The following ZMYND11 variants were observed in gnomAD, a reference collection of about 807,000 sequenced individuals.
ZMYND11 encodes zinc finger MYND domain-containing protein 11.
A neutral mutation model predicts 84.9 loss-of-function variants in ZMYND11; 9 were observed. The ratio of observed to expected loss-of-function variants is 0.11; its 90% CI spans 0.06 to 0.18. The LOEUF (loss-of-function observed/expected upper bound fraction) is 0.18. Among genes scored for constraint, ZMYND11 ranks in the 10% least tolerant of loss-of-function variants. The pLI, the probability that ZMYND11 is intolerant of heterozygous loss-of-function variation, is 1.00. For synonymous variants in ZMYND11, 250 were observed against 244.1 expected (o/e 1.02, Z -0.23); for missense variants, 409 against 761.0 (o/e 0.54, Z 5.44).
At chr10:208,361 C>T (rs2035679360) in intron 2 of ZMYND11, among the ~76,000 whole-genome samples, 1 of 152,228 alleles carries the variant, frequency 6.6e-6, no homozygotes, top group South Asian at 2.1e-4. Context: ...AGGCAACCTA[C>T]AAAATGGGAG....
intron 1 of ZMYND11, among the ~76,000 whole-genome samples, chr10:156,639 A>G (rs2131403406): frequency 6.6e-6 from 1 of 152,354 alleles, no homozygotes; most frequent in South Asian, 2.1e-4. Flanking sequence ...AGTAAAAACA[A>G]AACAAAATAA....
At chr10:144,640 CTTTTTTTTTTTT>C (rs11348115) in intron 1 of ZMYND11, among the ~76,000 whole-genome samples, 2 of 110,036 alleles carry the variant, frequency 1.8e-5, no homozygotes, top group African/African-American at 6.8e-5. Flanking sequence ...GTCTGAATTC[CTTTTTTTTTTTT>C]TTTTTTTTTT....
At chr10:157,190 G>A (rs149893779) in intron 1 of ZMYND11, among the ~76,000 whole-genome samples, 3 of 152,162 alleles carry the variant, frequency 2.0e-5, no homozygotes, top group African/African-American at 7.2e-5. Context: ...GAAAATTTCC[G>A]TAATAGCTTT....
At position 246,061 on chromosome 10, in the gene ZMYND11, C is replaced by T. The variant is rs922746780; in HGVS notation, c.951-705C>T. ...ATTTGGGATGGATACAAATTTAAGC[C>T]GAGAAAGAGACCAATGCCCAGGAAA... is the stretch of plus-strand genomic sequence containing the variant. On this transcript the variant is annotated intron_variant, in intron 10 of 14. Coordinates refer to ENST00000381604, the MANE Select transcript of ZMYND11 (RefSeq NM_001370100.5). Among the ~76,000 whole-genome samples the T allele has an allele frequency of 3.2e-4, 49 of 152,074 alleles. 1 individual carries two copies. The highest frequency in any genetic ancestry group is 1.2e-3 in the African/African-American group (49 of 41,410).
At chr10:223,848 G>C (rs1013893700) in intron 4 of ZMYND11, among the ~76,000 whole-genome samples, 1 of 152,020 alleles carries the variant, frequency 6.6e-6, no homozygotes, top group East Asian at 1.9e-4. Flanking sequence ...CGTTTTTTAG[G>C]AGAGTGACCA....
chr10:191,286 T>C (rs1291931001), intron 2 of ZMYND11, among the ~76,000 whole-genome samples: 3 of 152,232 alleles, frequency 2.0e-5, no homozygotes, highest in East Asian at 3.8e-4. Context: ...CCATCTGATA[T>C]TGGAGTCCAA....
chr10:185,540 A>C, intron 2 of ZMYND11, among the ~76,000 whole-genome samples: 1 of 148,568 alleles, frequency 6.7e-6, no homozygotes, highest in South Asian at 2.2e-4. Flanking sequence ...CGGGGTGGGC[A>C]CAGTGGCTTG....
chr10:153,751 C>T (rs954901808), intron 1 of ZMYND11, among the ~76,000 whole-genome samples: 1 of 152,178 alleles, frequency 6.6e-6, no homozygotes, highest in Non-Finnish European at 1.5e-5. Flanking sequence ...GGTCACAACA[C>T]TTTTATAAAC....
At chr10:142,369 G>T (rs1837693861) in intron 1 of ZMYND11, among the ~76,000 whole-genome samples, 1 of 152,158 alleles carries the variant, frequency 6.6e-6, no homozygotes, top group Non-Finnish European at 1.5e-5. Flanking sequence ...AAGATTAGAG[G>T]TGTGACCCAC....
chr10:246,148 A>G (rs994478783), intron 10 of ZMYND11, among the ~76,000 whole-genome samples: 2 of 152,214 alleles, frequency 1.3e-5, no homozygotes, highest in Non-Finnish European at 2.9e-5. Context: ...TATGTATCGC[A>G]CTTATGTTCA....
intron 10 of ZMYND11, among the ~76,000 whole-genome samples, chr10:246,337 GT>G (rs1952158740): frequency 1.3e-5 from 2 of 152,140 alleles, no homozygotes; most frequent in Non-Finnish European, 2.9e-5. Context: ...TGATTCTTTA[GT>G]GCTAACGGCA....
intron 4 of ZMYND11, 40 bp from the exon 5 acceptor site, chr10:236,798 T>G (rs1229519369): frequency 6.5e-7 from 1 of 1,531,230 alleles, no homozygotes. Flanking sequence ...ATAAGAATGA[T>G]CAGATTTTGT....
chr10:152,805 G>C (rs1295305828), intron 1 of ZMYND11, among the ~76,000 whole-genome samples: 1 of 152,162 alleles, frequency 6.6e-6, no homozygotes, highest in African/African-American at 2.4e-5. Context: ...TGACCACATA[G>C]TTGGAAGTAA....
At chr10:223,696 G>GA (rs1947565520) in intron 4 of ZMYND11, among the ~76,000 whole-genome samples, 1 of 152,160 alleles carries the variant, frequency 6.6e-6, no homozygotes, top group South Asian at 2.1e-4. Context: ...TCAAGAAAAA[G>GA]ATAAGTACTA....
At chr10:202,340 CAA>C (rs1263860699) in intron 2 of ZMYND11, among the ~76,000 whole-genome samples, 5 of 151,944 alleles carry the variant, frequency 3.3e-5, no homozygotes, top group Non-Finnish European at 5.9e-5. Context: ...AAGAACATAA[CAA>C]TATATATTTT....
intron 1 of ZMYND11, among the ~76,000 whole-genome samples, chr10:153,446 G>C (rs1218202599): frequency 6.6e-6 from 1 of 152,178 alleles, no homozygotes; most frequent in Non-Finnish European, 1.5e-5. Flanking sequence ...AGTAATCCCT[G>C]ATCTACCATG....
intron 1 of ZMYND11, among the ~76,000 whole-genome samples, chr10:140,154 T>C (rs782578147): frequency 6.6e-5 from 10 of 152,140 alleles, no homozygotes; most frequent in Non-Finnish European, 1.3e-4. Flanking sequence ...GGGTGAGATA[T>C]TTTTTGAGAC....
intron 2 of ZMYND11, among the ~76,000 whole-genome samples, chr10:185,322 G>A: frequency 6.6e-6 from 1 of 151,940 alleles, no homozygotes; most frequent in East Asian, 1.9e-4. Flanking sequence ...CAAATTTTGG[G>A]ATACATAGGA....
intron 1 of ZMYND11, among the ~76,000 whole-genome samples, chr10:160,409 G>A (rs1173931581): frequency 6.6e-6 from 1 of 152,214 alleles, no homozygotes; most frequent in Non-Finnish European, 1.5e-5. Flanking sequence ...TTGCCTTGAT[G>A]TTGATGGCTG....
Sources: allele counts gnomAD v4.1 joint callset (sites outside exome capture counted in the v4.1 genomes callset), GRCh38; gene constraint gnomAD v4.1.1; transcripts MANE v1.5; gene names NCBI Gene and HGNC (gene_info 2026-07-23, HGNC 2026-07-21).